GALNTL6: variants seen among roughly 807,000 people sequenced by gnomAD.
The protein encoded by GALNTL6 is polypeptide N-acetylgalactosaminyltransferase-like 6.
Under a neutral mutation model 73.7 loss-of-function variants are expected in GALNTL6, and 46 were observed. The observed-to-expected ratio is 0.62, with a 90% CI of 0.49 to 0.80. The LOEUF is 0.80. Ranked by LOEUF, GALNTL6 falls within the 30% of genes least tolerant of loss-of-function variation. The pLI is 0.00. For missense variants in GALNTL6, 604 were observed against 755.0 expected, an observed-to-expected ratio of 0.80 and a Z score of 2.34; for synonymous variants, 259 against 263.7, an observed-to-expected ratio of 0.98 and a Z score of 0.17.
At chr4:172,003,602 A>T (rs767964907) in intron 2 of GALNTL6, among the ~76,000 whole-genome samples, 9 of 152,292 alleles carry the variant, frequency 5.9e-5, no homozygotes, top group South Asian at 2.1e-4. Flanking sequence ...CCAAAATAAT[A>T]TTCAATCTTT....
At chr4:172,158,964 T>C (rs1053192285) in intron 2 of GALNTL6, among the ~76,000 whole-genome samples, 10 of 152,240 alleles carry the variant, frequency 6.6e-5, no homozygotes, top group Admixed American at 1.3e-4. Context: ...ATTCAAGTAG[T>C]TGTTTTAAAA....
chr4:172,305,187 A>G (rs926568489), intron 3 of GALNTL6, among the ~76,000 whole-genome samples: 8 of 152,284 alleles, frequency 5.3e-5, no homozygotes, highest in Admixed American at 4.6e-4. Flanking sequence ...CAAGACTGCC[A>G]TACTAAATAA....
intron 5 of GALNTL6, among the ~76,000 whole-genome samples, chr4:172,672,664 G>A (rs1468249256): frequency 6.8e-6 from 1 of 147,862 alleles, no homozygotes; most frequent in African/African-American, 2.5e-5. Context: ...GTTTTTTTTT[G>A]CATTGGTAGG....
chr4:172,461,043 A>T (rs568659399), intron 5 of GALNTL6, among the ~76,000 whole-genome samples: 106 of 152,322 alleles, frequency 7.0e-4, no homozygotes, highest in African/African-American at 2.4e-3. Context: ...AGCCATAAAA[A>T]ATGATGAGTT....
chr4:171,867,244 A>C (rs1735994667), intron 2 of GALNTL6, among the ~76,000 whole-genome samples: 2 of 152,180 alleles, frequency 1.3e-5, no homozygotes, highest in African/African-American at 2.4e-5. Context: ...GTTCTCCAAC[A>C]ATCTAAAATT....
At chr4:171,967,159 C>T (rs1490892405) in intron 2 of GALNTL6, among the ~76,000 whole-genome samples, 3 of 152,144 alleles carry the variant, frequency 2.0e-5, no homozygotes, top group Non-Finnish European at 4.4e-5. Context: ...TTTTACATAA[C>T]TGATACCGTA....
intron 5 of GALNTL6, among the ~76,000 whole-genome samples, chr4:172,681,380 G>A (rs1732625923): frequency 6.6e-6 from 1 of 151,936 alleles, no homozygotes; most frequent in Non-Finnish European, 1.5e-5. Flanking sequence ...ATTAAAAACA[G>A]TGAAGAACAT....
chr4:172,137,166 TG>T (rs970692954), intron 2 of GALNTL6, among the ~76,000 whole-genome samples: 1 of 152,154 alleles, frequency 6.6e-6, no homozygotes, highest in Non-Finnish European at 1.5e-5. Flanking sequence ...GACTGTTTTT[TG>T]TTATTGATAC....
At chr4:172,576,827 A>C (rs541723531) in intron 5 of GALNTL6, among the ~76,000 whole-genome samples, 177 of 152,304 alleles carry the variant, frequency 1.2e-3, no homozygotes, top group African/African-American at 4.1e-3. Flanking sequence ...ACAACACAAC[A>C]ACCATAATAA....
At chr4:171,932,944 G>T (rs1472700032) in intron 2 of GALNTL6, among the ~76,000 whole-genome samples, 2 of 152,124 alleles carry the variant, frequency 1.3e-5, no homozygotes, top group African/African-American at 2.4e-5. Flanking sequence ...CTCAAAATGT[G>T]ATCTGCAGAG....
At chr4:172,339,827 C>T (rs929385843) in intron 4 of GALNTL6, among the ~76,000 whole-genome samples, 1 of 152,186 alleles carries the variant, frequency 6.6e-6, no homozygotes, top group Non-Finnish European at 1.5e-5. Context: ...GACACGGGGG[C>T]TGTTTGCACA....
intron 2 of GALNTL6, among the ~76,000 whole-genome samples, chr4:171,920,598 T>A (rs944623109): frequency 1.3e-5 from 2 of 152,100 alleles, no homozygotes; most frequent in Admixed American, 1.3e-4. Context: ...ATGATGAACA[T>A]CATTAACACT....
At chr4:172,461,553 C>T (rs1037992434) in intron 5 of GALNTL6, among the ~76,000 whole-genome samples, 1 of 152,100 alleles carries the variant, frequency 6.6e-6, no homozygotes, top group Non-Finnish European at 1.5e-5. Flanking sequence ...ACTTTTATTG[C>T]AGGGGAACAG....
At chr4:172,294,020 G>A (rs1739571067) in intron 3 of GALNTL6, among the ~76,000 whole-genome samples, 2 of 151,094 alleles carry the variant, frequency 1.3e-5, no homozygotes. Context: ...TAGGATCACA[G>A]CCTCTATATT....
In GALNTL6 at chr4:172,377,359, T is replaced by G. The variant is rs938205283; in HGVS notation, c.553+28670T>G. On this transcript the variant is annotated intron_variant, in intron 5 of 12. Transcript: ENST00000506823. ...TAGCTAGATACAGAGTGCTGATTGGTGTGTTTACAAACCTTTAGCTAGACA... is the reference window on the plus strand; with the variant it reads ...TAGCTAGATACAGAGTGCTGATTGGGGTGTTTACAAACCTTTAGCTAGACA... Among the ~76,000 whole-genome samples, 22 of 152,248 alleles carry G rather than the reference T, an allele frequency of 1.4e-4. No homozygotes were observed. The East Asian group carries it at 4.3e-3, about 29-fold the overall frequency.
In GALNTL6 at chr4:172,946,426, TA is replaced by T. The variant is rs960129615; in HGVS notation, c.1150-5610del. Reference sequence around the variant, plus strand: ...AATAATAATAATTAGTGGATAGATTTATGCAGTTTCACAAGCCAGCAGGAAA... The same window carrying T: ...AATAATAATAATTAGTGGATAGATTTTGCAGTTTCACAAGCCAGCAGGAAA... On this transcript the variant is annotated intron_variant, in intron 9 of 12. Coordinates refer to ENST00000506823, the MANE Select transcript of GALNTL6 (RefSeq NM_001034845.3). Among the ~76,000 whole-genome samples the T allele has an allele frequency of 8.5e-5, 13 of 152,320 alleles. 1 individual carries two copies. The highest frequency in any genetic ancestry group is 2.9e-4 in the African/African-American group (12 of 41,584).
chr4:172,616,851 G>A (rs1175702797), intron 5 of GALNTL6, among the ~76,000 whole-genome samples: 1 of 151,974 alleles, frequency 6.6e-6, no homozygotes, highest in East Asian at 1.9e-4. Flanking sequence ...AAAAACACAG[G>A]TCTCCACCTT....
chr4:172,979,493 G>A (rs1344958012), intron 10 of GALNTL6, among the ~76,000 whole-genome samples: 1 of 152,200 alleles, frequency 6.6e-6, no homozygotes, highest in Non-Finnish European at 1.5e-5. Flanking sequence ...TAGAGTTCAA[G>A]CTCATATCTA....
chr4:172,222,356 G>A (rs1736704450), intron 2 of GALNTL6, among the ~76,000 whole-genome samples: 1 of 151,734 alleles, frequency 6.6e-6, no homozygotes, highest in Admixed American at 6.6e-5. Context: ...TTTAAAACAA[G>A]TGTTAGTGTG....
Sources: allele counts gnomAD v4.1 joint callset (sites outside exome capture counted in the v4.1 genomes callset), GRCh38; gene constraint gnomAD v4.1.1; transcripts MANE v1.5; gene names NCBI Gene and HGNC (gene_info 2026-07-23, HGNC 2026-07-21).